The following RSF1 variants were observed in gnomAD, a reference collection of about 807,000 sequenced individuals.
RSF1 encodes remodeling and spacing factor 1.
A neutral mutation model predicts 145.2 loss-of-function variants in RSF1; 13 were observed. That is an observed-to-expected ratio of 0.09 (90% CI 0.06 to 0.14). The LOEUF (loss-of-function observed/expected upper bound fraction) is 0.14. RSF1 is among the 10% of genes least tolerant of loss of function. RSF1 has a pLI of 1.00. For synonymous variants in RSF1, 577 were observed against 592.6 expected, an observed-to-expected ratio of 0.97 and a Z score of 0.38; for missense variants, 1,517 against 1,718.2, an observed-to-expected ratio of 0.88 and a Z score of 2.07.
intron 1 of RSF1, among the ~76,000 whole-genome samples, chr11:77,814,324 C>T (rs1948761382): frequency 6.6e-6 from 1 of 152,084 alleles, no homozygotes; most frequent in South Asian, 2.1e-4. Flanking sequence ...ACAGCAAGAC[C>T]TCATTCTCTA....
At chr11:77,857,604 A>T in the RSF1 span, among the ~76,000 whole-genome samples, 1 of 151,652 alleles carries the variant, frequency 6.6e-6, no homozygotes, top group African/African-American at 2.4e-5. Flanking sequence ...TTTTACTTTA[A>T]GTTCTCGGAT....
intron 4 of RSF1, among the ~76,000 whole-genome samples, chr11:77,735,327 T>C (rs1346540535): frequency 6.6e-6 from 1 of 152,176 alleles, no homozygotes; most frequent in Non-Finnish European, 1.5e-5. Context: ...TGGTATGAAA[T>C]TTTCAGTAGA....
intron 1 of RSF1, among the ~76,000 whole-genome samples, chr11:77,787,263 C>A (rs1456624961): frequency 6.6e-6 from 1 of 152,146 alleles, no homozygotes; most frequent in Non-Finnish European, 1.5e-5. Context: ...TTGGCTAACA[C>A]TGGTTAAAGC....
At chr11:77,676,444 A>C (rs1031394630) in intron 13 of RSF1, among the ~76,000 whole-genome samples, 1 of 152,078 alleles carries the variant, frequency 6.6e-6, no homozygotes, top group Admixed American at 6.5e-5. Flanking sequence ...TGAGAGGATA[A>C]TATCTTATTT....
intron 4 of RSF1, among the ~76,000 whole-genome samples, chr11:77,729,992 T>C (rs967919228): frequency 7.3e-5 from 11 of 149,910 alleles, no homozygotes; most frequent in African/African-American, 2.5e-4. Context: ...TAATCTAAGA[T>C]GTTAACATTA....
At chr11:77,846,841 T>G in the RSF1 span, among the ~76,000 whole-genome samples, 2 of 152,210 alleles carry the variant, frequency 1.3e-5, no homozygotes, top group Non-Finnish European at 2.9e-5. Flanking sequence ...GACAATTTTT[T>G]TTAGAACTTT....
chr11:77,844,843 A>G, the RSF1 span, among the ~76,000 whole-genome samples: 5 of 152,184 alleles, frequency 3.3e-5, no homozygotes, highest in Non-Finnish European at 7.3e-5. Context: ...TAATGATGGA[A>G]GTAGATCCTT....
At chr11:77,854,454 C>T in the RSF1 span, among the ~76,000 whole-genome samples, 1 of 152,216 alleles carries the variant, frequency 6.6e-6, no homozygotes, top group Non-Finnish European at 1.5e-5. Flanking sequence ...TAAATACTTC[C>T]ATTCCAAAAG....
At chr11:77,839,086 A>T in the RSF1 span, among the ~76,000 whole-genome samples, 1 of 152,162 alleles carries the variant, frequency 6.6e-6, no homozygotes, top group Non-Finnish European at 1.5e-5. Flanking sequence ...AGTCTTTGCT[A>T]AATGTCAGAC....
intron 12 of RSF1, among the ~76,000 whole-genome samples, chr11:77,677,217 C>T (rs1383543060): frequency 1.3e-5 from 2 of 152,160 alleles, no homozygotes; most frequent in Admixed American, 1.3e-4. Flanking sequence ...ATGTAGGGAA[C>T]CTCGTTTTTT....
chr11:77,710,792 C>A (rs1590844143), intron 5 of RSF1, among the ~76,000 whole-genome samples: 1 of 152,106 alleles, frequency 6.6e-6, no homozygotes, highest in Admixed American at 6.5e-5. Flanking sequence ...TTTATAAAAA[C>A]AAAAGTACTT....
chr11:77,747,085 T>C lies in RSF1; in HGVS notation c.323A>G (p.Lys108Arg). 6.2e-7 allele frequency: 1 copy of C among 1,611,966 alleles called. No individual in the cohort carries two copies. The highest frequency in any genetic ancestry group is 8.5e-7 in the Non-Finnish European group (1 of 1,178,258). ...FNSTWAWEMEKKGYLEMSVEC... is the reference protein window; with the variant it reads ...FNSTWAWEMERKGYLEMSVEC... The stretch of plus-strand genomic sequence containing the variant: ...AACACTCATTTCAAGATAGCCCTTC[T>C]TCTCCATCTCCCATGCCCAGGTACT... The change falls in exon 3 of 16, where the codon AAG (lysine) becomes AGG (arginine). Residue 108 changes from lysine (K) to arginine (R), a missense_variant. Physicochemically the swap from Lys to Arg is conservative, Grantham distance 26 (BLOSUM62 2). Around this residue, in one of 12 missense-constraint regions of RSF1, gnomAD observed 94 missense variants for 143.6 expected, o/e 0.65. Transcript: ENST00000308488.
At chr11:77,859,400 C>T in the RSF1 span, among the ~76,000 whole-genome samples, 1 of 152,176 alleles carries the variant, frequency 6.6e-6, no homozygotes, top group African/African-American at 2.4e-5. Context: ...ATAATAATTT[C>T]CTAATGGCTT....
Position 77,734,540 on chromosome 11 carries a change from C to A in RSF1, c.578+6191G>T, listed in dbSNP as rs927362641. ...AAGAGATATTCTGCCAAGCCAGATT[C>A]GAGTGCTCCCATCTTGTGCAAGTTG... is the stretch of plus-strand genomic sequence containing the variant. On this transcript the variant is annotated intron_variant, in intron 4 of 15. Transcript: ENST00000308488. The A allele has an allele frequency of 8.1e-5, 127 of 1,569,614 alleles. No individual in the cohort carries two copies. In the Middle Eastern group the frequency reaches 9.0e-4, roughly 11 times the overall value.
chr11:77,741,289 T>C (rs1259194401), intron 3 of RSF1, among the ~76,000 whole-genome samples: 3 of 152,148 alleles, frequency 2.0e-5, no homozygotes, highest in Non-Finnish European at 2.9e-5. Flanking sequence ...ACACCTGTAA[T>C]CCCAGCACTT....
chr11:77,722,908 T>C (rs186265228), intron 5 of RSF1, among the ~76,000 whole-genome samples: 40 of 152,350 alleles, frequency 2.6e-4, no homozygotes, highest in African/African-American at 8.4e-4. Flanking sequence ...ACTACACAAT[T>C]AGTCTCCCTT....
chr11:77,762,543 T>C (rs561781204), intron 2 of RSF1: 2 of 152,354 alleles, frequency 1.3e-5, no homozygotes, highest in South Asian at 2.1e-4. Flanking sequence ...TCTATTACAG[T>C]AGGGCTAAGC....
rs1959333490 is a variant in RSF1 at position 77,665,292 on chromosome 11, G to A, written c.*1625C>T. 1 of 152,086 alleles carries A rather than the reference G, an allele frequency of 6.6e-6. No individual in the cohort carries two copies. Among genetic ancestry groups the A allele is most frequent in the Non-Finnish European group, 1.5e-5 (1 of 68,032 alleles). 9.4% of individuals were successfully genotyped at this position (152,086 alleles called of 1,614,324 possible). Reference sequence around the variant, plus strand: ...AAAGAAAAATTAATGACGTTCCTTGGGCCAGCAGCAGATATGGTGTGTCCA... The same window carrying A: ...AAAGAAAAATTAATGACGTTCCTTGAGCCAGCAGCAGATATGGTGTGTCCA... On this transcript the variant is annotated 3_prime_UTR_variant, in exon 16 of 16. Coordinates refer to ENST00000308488, the MANE Select transcript of RSF1 (RefSeq NM_016578.4).
rs1341936170 is a variant in RSF1 at position 77,662,803 on chromosome 11, C to T, written c.*4114G>A. ...AAGCAGAAGAGGGCTAGGTAGATTA[C>T]AGCAGATATGCAGCCTTGGCATTCT... is the stretch of plus-strand genomic sequence containing the variant. On this transcript the variant is annotated 3_prime_UTR_variant, in exon 16 of 16. Transcript: ENST00000308488. 2 of 152,128 alleles carry T rather than the reference C, an allele frequency of 1.3e-5. No individual in the cohort carries two copies. Among genetic ancestry groups the T allele is most frequent in the African/African-American group, 4.8e-5 (2 of 41,432 alleles). 9.4% of individuals were successfully genotyped at this position (152,128 alleles called of 1,614,324 possible).
Sources: allele counts gnomAD v4.1 joint callset (sites outside exome capture counted in the v4.1 genomes callset), GRCh38; gene constraint gnomAD v4.1.1; regional missense constraint gnomAD v4.1.1; transcripts MANE v1.5; gene names NCBI Gene and HGNC (gene_info 2026-07-23, HGNC 2026-07-21).